The following DRICH1 variants were observed in gnomAD, a reference collection of about 807,000 sequenced individuals.
DRICH1 encodes aspartate rich 1, also known as aspartate-rich protein 1.
In DRICH1, 38 loss-of-function variants were observed where a neutral mutation model predicts 39.5. That is an observed-to-expected ratio of 0.96 (90% CI 0.74 to 1.26). DRICH1 has a LOEUF of 1.26. Ranked by LOEUF, DRICH1 falls within the 50% of genes most tolerant of loss-of-function variation. The pLI is 0.00. For missense variants in DRICH1, 279 were observed against 270.4 expected (o/e 1.03, Z -0.22); for synonymous variants, 84 against 99.5 (o/e 0.84, Z 0.93).
the DRICH1 span, among the ~76,000 whole-genome samples, chr22:23,600,735 C>T: frequency 0.01 from 1,520 of 148,906 alleles, 20 homozygotes; most frequent in South Asian, 0.043. Flanking sequence ...TGCAGTGGTG[C>T]GATCTCGGCC....
chr22:23,612,374 C>G lies in DRICH1; in HGVS notation c.685+915G>C, dbSNP rs192394745. On this transcript the variant is annotated intron_variant, in intron 11 of 11. Transcript: ENST00000317749. ...CCCCACTACTCGGGAGGCTGAGGCACGAGAATGGCGTGAACCCGGGAGGCG... is the reference window on the plus strand; with the variant it reads ...CCCCACTACTCGGGAGGCTGAGGCAGGAGAATGGCGTGAACCCGGGAGGCG... 7.8e-3 allele frequency among the ~76,000 whole-genome samples: 1,139 copies of G among 146,462 alleles called. 16 individuals are homozygous for G. Among genetic ancestry groups the G allele is most frequent in the African/African-American group, 0.027 (1,040 of 39,196 alleles).
chr22:23,621,455 T>C lies in DRICH1; in HGVS notation c.384+636A>G, dbSNP rs12165550. Among the ~76,000 whole-genome samples the C allele has an allele frequency of 6.0e-3, 910 of 151,370 alleles. 11 individuals are homozygous for C. Among genetic ancestry groups the C allele is most frequent in the African/African-American group, 0.021 (865 of 41,250 alleles). ...AATACCTAAAGCCCCTCCCCAACAA[T>C]CAATATGTGACACCCACGAAGATTG... On this transcript the variant is annotated intron_variant, in intron 4 of 11. Transcript: ENST00000317749.
the DRICH1 span, among the ~76,000 whole-genome samples, chr22:23,596,263 CCTTCCT>C: frequency 0.017 from 2,553 of 152,140 alleles, 60 homozygotes; most frequent in African/African-American, 0.059. Context: ...AAGGTTGTCC[CCTTCCT>C]CTTCCCCTTC....
the DRICH1 span, among the ~76,000 whole-genome samples, chr22:23,590,861 C>T: frequency 7.9e-5 from 12 of 151,614 alleles, no homozygotes; most frequent in East Asian, 1.6e-3. Flanking sequence ...TAAAGGGATC[C>T]GCTCACCCTG....
chr22:23,584,604 G>A, the DRICH1 span, among the ~76,000 whole-genome samples: 1 of 152,182 alleles, frequency 6.6e-6, no homozygotes, highest in East Asian at 1.9e-4. Context: ...GAAGTCTTGA[G>A]GTTTCCTTGG....
rs1025153130 is a variant in DRICH1 at position 23,632,217 on chromosome 22, T to C, written c.-194A>G. 3.4e-6 allele frequency: 3 copies of C among 882,452 alleles called. No homozygotes were observed. The highest frequency in any genetic ancestry group is 3.4e-5 in the African/African-American group (2 of 59,042). 54.7% of individuals were successfully genotyped at this position (882,452 alleles called of 1,614,324 possible). ...GGTCTATGAGGTCAGGGACCTGCTG[T>C]CTTCTTTGAAAAATAAACGAACATG... On this transcript the variant is annotated 5_prime_UTR_variant, in exon 1 of 12. Transcript: ENST00000317749.
At chr22:23,611,415 G>A (rs542566358) in intron 11 of DRICH1, among the ~76,000 whole-genome samples, 77 of 144,854 alleles carry the variant, frequency 5.3e-4, no homozygotes, top group Admixed American at 1.6e-3. Context: ...TTTTGAGATG[G>A]AATCTCGTTC....
intron 8 of DRICH1, among the ~76,000 whole-genome samples, chr22:23,615,798 TGGGGGCACTCATA>T: frequency 6.6e-6 from 1 of 152,308 alleles, no homozygotes; most frequent in East Asian, 1.9e-4. Flanking sequence ...GGTTCTAGCA[TGGGGGCACTCATA>T]AGTTTCACAG....
chr22:23,610,015 C>T (rs1037174081), intron 11 of DRICH1, among the ~76,000 whole-genome samples: 2 of 152,056 alleles, frequency 1.3e-5, no homozygotes, highest in Non-Finnish European at 2.9e-5. Flanking sequence ...CCTTACGAAC[C>T]ATCTCCTATG....
chr22:23,609,829 C>T (rs746806342), intron 11 of DRICH1, among the ~76,000 whole-genome samples: 5 of 152,210 alleles, frequency 3.3e-5, no homozygotes, highest in Non-Finnish European at 7.3e-5. Context: ...CTGACCCCAT[C>T]TGCTGCAACC....
intron 5 of DRICH1, 108 bp from the exon 6 acceptor site, chr22:23,619,501 A>G (rs1037333662): frequency 2.2e-5 from 16 of 727,534 alleles, no homozygotes; most frequent in Non-Finnish European, 3.6e-5. Context: ...CACATTCATG[A>G]GATTGAAATC....
intron 10 of DRICH1, 107 bp from the exon 11 acceptor site, chr22:23,613,437 G>T: frequency 9.9e-7 from 1 of 1,009,586 alleles, no homozygotes. Flanking sequence ...CCCACTCCAT[G>T]CTGCTTCATA....
Position 23,616,945 on chromosome 22 carries a change from A to G in DRICH1, c.520-71T>C, listed in dbSNP as rs1009997501. 2.1e-5 allele frequency: 33 copies of G among 1,563,574 alleles called. 1 individual carries two copies. Among genetic ancestry groups the G allele is most frequent in the Non-Finnish European group, 2.6e-5 (30 of 1,136,370 alleles). ...GCCACACCCCTTACACAGATCTGTT[A>G]GTCTCTTGATGACTTCACAAAACTA... On this transcript the variant is annotated intron_variant, in intron 7 of 11. Transcript: ENST00000317749.
At chr22:23,611,914 C>T (rs1927058515) in intron 11 of DRICH1, among the ~76,000 whole-genome samples, 1 of 152,120 alleles carries the variant, frequency 6.6e-6, no homozygotes, top group Non-Finnish European at 1.5e-5. Flanking sequence ...AAATGACAGA[C>T]TAACCACAGT....
intron 5 of DRICH1, 46 bp downstream of exon 5, chr22:23,620,548 C>T (rs1927656677): frequency 6.3e-7 from 1 of 1,579,574 alleles, no homozygotes; most frequent in Non-Finnish European, 8.7e-7. Flanking sequence ...TATATTAAAG[C>T]CAGCAAGTTT....
chr22:23,583,485 C>T, the DRICH1 span: 2 of 152,186 alleles, frequency 1.3e-5, no homozygotes, highest in Non-Finnish European at 1.5e-5. Flanking sequence ...GATGCTGTAA[C>T]AGACAGACAG....
At chr22:23,617,306 A>C (rs1927415397) in intron 7 of DRICH1, among the ~76,000 whole-genome samples, 1 of 152,234 alleles carries the variant, frequency 6.6e-6, no homozygotes, top group Non-Finnish European at 1.5e-5. Flanking sequence ...AGAAGGGAAG[A>C]AATCAGGTGA....
At chr22:23,587,671 G>A in the DRICH1 span, among the ~76,000 whole-genome samples, 2 of 152,178 alleles carry the variant, frequency 1.3e-5, no homozygotes, top group South Asian at 2.1e-4. Flanking sequence ...GACACATTCA[G>A]CAGAACCCTG....
At chr22:23,611,804 C>T (rs942691049) in intron 11 of DRICH1, among the ~76,000 whole-genome samples, 1 of 152,164 alleles carries the variant, frequency 6.6e-6, no homozygotes, top group African/African-American at 2.4e-5. Flanking sequence ...GCATTACTTA[C>T]GTGTCTGTGG....
Sources: gnomAD v4.1 joint callset for allele counts (sites outside exome capture counted in the v4.1 genomes callset) on GRCh38, gnomAD v4.1.1 for gene constraint, MANE v1.5 for transcripts, NCBI Gene and HGNC (gene_info 2026-07-23, HGNC 2026-07-21) for gene names.